Variants in SPATS2 observed in about 807,000 individuals in gnomAD.
SPATS2 encodes spermatogenesis-associated serine-rich protein 2.
SPATS2 carries 38 observed loss-of-function variants against 63.7 expected under a neutral mutation model. The ratio of observed to expected loss-of-function variants is 0.60; its 90% CI spans 0.46 to 0.78. The LOEUF (loss-of-function observed/expected upper bound fraction) is 0.78, where lower values mean the gene tolerates loss of function less well. Among genes scored for constraint, SPATS2 ranks in the 30% least tolerant of loss-of-function variants. The probability of loss-of-function intolerance (pLI) is 0.00; values close to 1 mark genes in which losing one functional copy is unlikely to be tolerated. For synonymous variants in SPATS2, 207 were observed against 232.9 expected (o/e 0.89, Z 1.01); for missense variants, 588 against 666.2 (o/e 0.88, Z 1.29).
intron 2 of SPATS2, among the ~76,000 whole-genome samples, chr12:49,447,936 AC>A (rs770275648): frequency 2.2e-4 from 33 of 150,060 alleles, no homozygotes; most frequent in Admixed American, 1.2e-3. Flanking sequence ...TTTTCCATAT[AC>A]TCTTTGATTG....
intron 2 of SPATS2, among the ~76,000 whole-genome samples, chr12:49,385,826 G>GTT (rs199622051): frequency 1.8e-4 from 27 of 148,958 alleles, no homozygotes; most frequent in African/African-American, 5.1e-4. Flanking sequence ...AATTTTGTGG[G>GTT]GTTTTTTTTG....
intron 3 of SPATS2, among the ~76,000 whole-genome samples, chr12:49,475,383 A>G (rs1946100374): frequency 6.6e-6 from 1 of 152,192 alleles, no homozygotes; most frequent in African/African-American, 2.4e-5. Flanking sequence ...TGTTGCTACA[A>G]AAAAATTACA....
intron 2 of SPATS2, among the ~76,000 whole-genome samples, chr12:49,382,266 T>G (rs1344150031): frequency 6.6e-6 from 1 of 152,232 alleles, no homozygotes; most frequent in Non-Finnish European, 1.5e-5. Flanking sequence ...CTTATCCTAG[T>G]GTAGTTTTAA....
At chr12:49,399,733 A>T (rs1183371485) in intron 2 of SPATS2, among the ~76,000 whole-genome samples, 1 of 152,160 alleles carries the variant, frequency 6.6e-6, no homozygotes, top group African/African-American at 2.4e-5. Context: ...TGGTTTTCAG[A>T]GATGTTAAAA....
chr12:49,397,421 G>A (rs1331950261), intron 2 of SPATS2, among the ~76,000 whole-genome samples: 3 of 152,102 alleles, frequency 2.0e-5, no homozygotes, highest in Admixed American at 6.6e-5. Context: ...GTATTTGAGC[G>A]GTTTCCTCCA....
rs563635662 is a variant in SPATS2 at position 49,501,124 on chromosome 12, T to A, written c.839+919T>A. Reference sequence around the variant, plus strand: ...GTACCACCACACCTGGCTCATTTTTTAATTTTTAAATATTTTGTAGAAATG... The same window carrying A: ...GTACCACCACACCTGGCTCATTTTTAAATTTTTAAATATTTTGTAGAAATG... On this transcript the variant is annotated intron_variant, in intron 9 of 13. Coordinates refer to ENST00000552918, the MANE Select transcript of SPATS2 (RefSeq NM_023071.4). Among the ~76,000 whole-genome samples the A allele has an allele frequency of 1.1e-4, 16 of 152,256 alleles. No homozygotes were observed. The East Asian group carries it at 2.9e-3, about 28-fold the overall frequency.
At chr12:49,524,242 G>T (rs961043129) in intron 12 of SPATS2, among the ~76,000 whole-genome samples, 2 of 152,160 alleles carry the variant, frequency 1.3e-5, no homozygotes, top group Non-Finnish European at 2.9e-5. Flanking sequence ...TCTTTAAAAA[G>T]AATTTAGTAA....
At chr12:49,477,894 G>A (rs1319406387) in intron 3 of SPATS2, among the ~76,000 whole-genome samples, 1 of 149,002 alleles carries the variant, frequency 6.7e-6, no homozygotes. Context: ...TAAGTTGGTA[G>A]ATGAAGATTT....
rs181247118 is a variant in SPATS2, at chr12:49,405,898, T to G, written c.-244+34608T>G. ...TTTTTCAGATAATTGACATTTACTC[T>G]TTTGCATACAGTTTCTTCCATTTTA... On this transcript the variant is annotated intron_variant, in intron 2 of 13. Transcript: ENST00000552918. Among the ~76,000 whole-genome samples the G allele has an allele frequency of 1.1e-4, 16 of 152,362 alleles. No individual in the cohort carries two copies. The East Asian group carries it at 2.9e-3, about 28-fold the overall frequency.
intron 9 of SPATS2, among the ~76,000 whole-genome samples, chr12:49,504,766 C>CT (rs1946627596): frequency 9.6e-6 from 1 of 104,524 alleles, no homozygotes; most frequent in Admixed American, 9.2e-5. Context: ...TTCTTTCTTT[C>CT]TTTCTTTTTT....
intron 2 of SPATS2, among the ~76,000 whole-genome samples, chr12:49,398,135 C>CAAAAAAAAAAAAA (rs71080193): frequency 4.8e-4 from 22 of 45,384 alleles, no homozygotes; most frequent in African/African-American, 1.2e-3. Context: ...GACCCTGTCT[C>CAAAAAAAAAAAAA]AAAAAAAAAA....
At chr12:49,387,096 A>T (rs564882337) in intron 2 of SPATS2, 1 of 152,100 alleles carries the variant, frequency 6.6e-6, no homozygotes, top group Admixed American at 6.6e-5. Flanking sequence ...TGTGAGGAGC[A>T]AAGAGGACAC....
At chr12:49,476,216 G>C (rs975742461) in intron 3 of SPATS2, among the ~76,000 whole-genome samples, 29 of 152,102 alleles carry the variant, frequency 1.9e-4, no homozygotes, top group African/African-American at 7.0e-4. Context: ...CAGGCGGCTG[G>C]AGGTAGAGAG....
intron 10 of SPATS2, 69 bp downstream of exon 10, chr12:49,514,682 A>G (rs1480834452): frequency 2.1e-6 from 3 of 1,416,418 alleles, no homozygotes; most frequent in Non-Finnish European, 2.9e-6. Flanking sequence ...CCCAACCCTT[A>G]TAACAAAAGT....
chr12:49,381,385 A>G (rs74711374), intron 2 of SPATS2, among the ~76,000 whole-genome samples: 1,618 of 152,310 alleles, frequency 0.011, 29 homozygotes, highest in African/African-American at 0.036. Flanking sequence ...GAAATTGCCT[A>G]GTTTTTCCAA....
intron 2 of SPATS2, among the ~76,000 whole-genome samples, chr12:49,413,373 TTTTTAA>T (rs1168881960): frequency 4.6e-5 from 7 of 152,124 alleles, no homozygotes; most frequent in Non-Finnish European, 1.0e-4. Context: ...CTACTGTAAC[TTTTTAA>T]TTTTAATTTT....
chr12:49,520,807 C>G (rs966837986), intron 11 of SPATS2, among the ~76,000 whole-genome samples: 11 of 151,954 alleles, frequency 7.2e-5, no homozygotes, highest in African/African-American at 2.4e-4. Flanking sequence ...CAACCTTTAC[C>G]TCCTGGGTTC....
At chr12:49,389,802 G>T in intron 2 of SPATS2, 1 of 1,072,694 alleles carries the variant, frequency 9.3e-7, no homozygotes, top group Admixed American at 1.7e-5. Flanking sequence ...ACATCAGTCG[G>T]CCTTGGAACT....
intron 2 of SPATS2, among the ~76,000 whole-genome samples, chr12:49,373,610 C>T (rs927412747): frequency 1.3e-4 from 18 of 141,490 alleles, no homozygotes; most frequent in African/African-American, 4.9e-4. Flanking sequence ...TGGGCAACAG[C>T]GAGACCCTGT....
Sources: allele counts gnomAD v4.1 joint callset (sites outside exome capture counted in the v4.1 genomes callset), GRCh38; gene constraint gnomAD v4.1.1; transcripts MANE v1.5; gene names NCBI Gene and HGNC (gene_info 2026-07-23, HGNC 2026-07-21).